The following ZNF212 variants were observed in gnomAD, a reference collection of about 807,000 sequenced individuals.
ZNF212 encodes Zinc finger protein C2H2-150.
ZNF212 carries 32 observed loss-of-function variants against 47.3 expected under a neutral mutation model. The observed-to-expected ratio is 0.68, with a 90% confidence interval of 0.51 to 0.91. The LOEUF (loss-of-function observed/expected upper bound fraction) is 0.91, where lower values mean the gene tolerates loss of function less well. Ranked by LOEUF, ZNF212 falls within the 40% of genes least tolerant of loss-of-function variation. The pLI is 0.00. For synonymous variants in ZNF212, 242 were observed against 253.8 expected (o/e 0.95, Z 0.44); for missense variants, 555 against 622.8 (o/e 0.89, Z 1.16).
intron 3 of ZNF212, 134 bp downstream of exon 3, chr7:149,250,941 CCA>C: frequency 8.2e-7 from 1 of 1,216,916 alleles, no homozygotes; most frequent in South Asian, 1.5e-5. Flanking sequence ...CAGAGAAATG[CCA>C]GTCTCTAGGT....
rs71194634 is a variant in ZNF212, at chr7:149,251,491, C to CTTTT, written c.541+705_541+708dup. Among the ~76,000 whole-genome samples, 218 of 77,432 alleles carry CTTTT rather than the reference C, an allele frequency of 2.8e-3. 1 individual carries two copies. The highest frequency in any genetic ancestry group is 4.0e-3 in the African/African-American group (76 of 19,086). The allele number at this position is 77,432 out of a possible 152,430, so 50.8% of individuals were successfully genotyped here. ...AGCCACTGCGTCTGGCCTGTTTTAT[C>CTTTT]TTTTTTTTTTTTTTTTTTTTTTTTG... On this transcript the variant is annotated intron_variant, in intron 3 of 4. Transcript: ENST00000335870.
chr7:149,251,713 C>G (rs1563189282), intron 3 of ZNF212, among the ~76,000 whole-genome samples: 1 of 151,720 alleles, frequency 6.6e-6, no homozygotes, highest in Admixed American at 6.6e-5. Flanking sequence ...TGGTCTTGAA[C>G]TTCTGGGCTC....
rs770052888 is a variant in ZNF212, at chr7:149,250,474, G to A, written c.340G>A (p.Val114Met). Residue 114 changes from valine (V) to methionine (M), a missense_variant, in exon 2 of 5, where the codon GTG becomes ATG. By Grantham distance (21) the Val-to-Met change is conservative. Coordinates refer to ENST00000335870, the MANE Select transcript of ZNF212 (RefSeq NM_012256.4). ...GCTACTGCAGAGGCGGCTGGAGAAC[G>A]TGGAGAACCTGCTGCGCAACAGGAA... ...YGLLQRRLEN[V>M]ENLLRNRNFW... 55 of 1,613,954 alleles carry A rather than the reference G, an allele frequency of 3.4e-5. No homozygotes were observed. The Admixed American group carries it at 7.5e-4, about 22-fold the overall frequency.
chr7:149,252,926 A>G (rs1796779629), intron 4 of ZNF212, 131 bp downstream of exon 4: 2 of 849,650 alleles, frequency 2.4e-6, no homozygotes, highest in African/African-American at 3.4e-5. Context: ...GGACTCCTTT[A>G]TGATTGTCGT....
chr7:149,239,906 C>T (rs1198296499), intron 1 of ZNF212, 104 bp downstream of exon 1: 4 of 1,230,686 alleles, frequency 3.3e-6, no homozygotes, highest in Non-Finnish European at 2.1e-6. Context: ...GTCTTGGTTT[C>T]CCGGGGCTGC....
chr7:149,248,515 C>G (rs1343455425), intron 1 of ZNF212, among the ~76,000 whole-genome samples: 2 of 152,124 alleles, frequency 1.3e-5, no homozygotes, highest in Admixed American at 1.3e-4. Flanking sequence ...CTAGATAATT[C>G]AAAACAGAAG....
chr7:149,250,124 G>C, intron 1 of ZNF212, 35 bp from the exon 2 acceptor site: 1 of 1,473,344 alleles, frequency 6.8e-7, no homozygotes, highest in Non-Finnish European at 9.0e-7. Context: ...TTGATGTTTG[G>C]AAGTGACATT....
Position 149,239,814 on chromosome 7 carries a change from C to T in ZNF212, c.24+12C>T, listed in dbSNP as rs781463235. ...CGGCGCCTGCTCGGGTAAAGAGGCA[C>T]CGGCGCGCTGGCTCGAGGGCGCGTT... On this transcript the variant is annotated intron_variant, in intron 1 of 4. Coordinates refer to ENST00000335870, the MANE Select transcript of ZNF212 (RefSeq NM_012256.4). 43 of 1,273,362 alleles carry T rather than the reference C, an allele frequency of 3.4e-5. No individual in the cohort carries two copies. The highest frequency in any genetic ancestry group is 3.7e-5 in the Non-Finnish European group (37 of 1,001,568). The allele number at this position is 1,273,362 out of a possible 1,614,324, so 78.9% of individuals were successfully genotyped here.
At chr7:149,248,652 C>T (rs1261370524) in intron 1 of ZNF212, among the ~76,000 whole-genome samples, 2 of 152,228 alleles carry the variant, frequency 1.3e-5, no homozygotes, top group African/African-American at 4.8e-5. Context: ...GCACAGAATG[C>T]TGGGCCACAG....
Position 149,254,663 on chromosome 7 carries a change from A to G in ZNF212, c.*248A>G. 2.0e-6 allele frequency: 1 copy of G among 511,670 alleles called. No homozygotes were observed. The highest frequency in any genetic ancestry group is 3.3e-6 in the Non-Finnish European group (1 of 302,896). The allele number at this position is 511,670 out of a possible 1,614,324, so 31.7% of individuals were successfully genotyped here. On this transcript the variant is annotated 3_prime_UTR_variant, in exon 5 of 5. Coordinates refer to ENST00000335870, the MANE Select transcript of ZNF212 (RefSeq NM_012256.4). The surrounding 1 kb of genome is among the most constrained non-coding windows in gnomAD (Gnocchi z 4.5). ...CTTCAGGTCTCTGGTTTTCTCATTC[A>G]TGCCAATGCTTGTGGGCTGGGGTTG...
intron 4 of ZNF212, 149 bp downstream of exon 4, chr7:149,252,944 G>A (rs1585597658): frequency 5.4e-6 from 4 of 734,522 alleles, no homozygotes; most frequent in Non-Finnish European, 9.1e-6. Context: ...CGTTAGTTCA[G>A]CTGTTACATA....
intron 1 of ZNF212, among the ~76,000 whole-genome samples, chr7:149,242,293 A>G (rs1796604911): frequency 6.6e-6 from 1 of 151,332 alleles, no homozygotes; most frequent in Non-Finnish European, 1.5e-5. Flanking sequence ...AAGTGCTGGG[A>G]TTACCACTGC....
chr7:149,250,340 C>T lies in ZNF212; in HGVS notation c.206C>T (p.Thr69Met), dbSNP rs141201558. ...AARLQSLEGR[T>M]GTAEKKLADC... ...CGGCTACAGAGCCTGGAGGGGCGCA[C>T]GGGGACAGCCGAGAAGAAGCTGGCT... The change falls in exon 2 of 5, where the codon ACG (threonine) becomes ATG (methionine). Residue 69 changes from threonine (T) to methionine (M), a missense_variant. Thr to Met is a moderately conservative substitution (Grantham distance 81). Coordinates refer to ENST00000335870, the MANE Select transcript of ZNF212 (RefSeq NM_012256.4). 7 of 1,614,020 alleles carry T rather than the reference C, an allele frequency of 4.3e-6. No homozygotes were observed. Among genetic ancestry groups the T allele is most frequent in the South Asian group, 2.2e-5 (2 of 91,080 alleles).
chr7:149,252,712 T>C lies in ZNF212; in HGVS notation c.548T>C (p.Leu183Pro). The change falls in exon 4 of 5, where the codon CTT (leucine) becomes CCT (proline). Residue 183 changes from leucine (L) to proline (P), a missense_variant. Leu to Pro is a moderately conservative substitution (Grantham distance 98). Transcript: ENST00000335870. ...TGTGCTGTTTCCCACCCAGAGGTCC[T>C]TGGCCAGACAGAGGGAGAAGCGGAG... is the stretch of plus-strand genomic sequence containing the variant. ...NYETLVSLKV[L>P]GQTEGEAELG... The C allele has an allele frequency of 6.2e-7, 1 of 1,614,124 alleles. No homozygotes were observed. The highest frequency in any genetic ancestry group is 8.5e-7 in the Non-Finnish European group (1 of 1,180,016).
chr7:149,240,139 G>A (rs1293921184), intron 1 of ZNF212: 3 of 288,762 alleles, frequency 1.0e-5, no homozygotes, highest in African/African-American at 6.5e-5. Flanking sequence ...TTTCCAGATT[G>A]GAAACGGTCT....
chr7:149,240,121 T>C (rs531795755), intron 1 of ZNF212: 202 of 323,120 alleles, frequency 6.3e-4, no homozygotes, highest in Admixed American at 1.0e-3. Flanking sequence ...CGTTCCCAGG[T>C]TGGAGTGTTT....
chr7:149,245,658 A>G (rs1204523690), intron 1 of ZNF212, among the ~76,000 whole-genome samples: 2 of 152,050 alleles, frequency 1.3e-5, no homozygotes, highest in East Asian at 1.9e-4. Flanking sequence ...GGCACCTGTC[A>G]TCATGCCTGG....
In ZNF212 at chr7:149,240,386, C is replaced by G. The variant is rs1008226328; in HGVS notation, c.24+584C>G. ...GCTGCCCAAACTCTCTCCTTCACCC[C>G]CCCCCCAACACCCCCCTCCCAGCCC... On this transcript the variant is annotated intron_variant, in intron 1 of 4. Transcript: ENST00000335870. Among the ~76,000 whole-genome samples the G allele has an allele frequency of 7.4e-5, 11 of 149,492 alleles. 1 individual carries two copies. The highest frequency in any genetic ancestry group is 3.9e-4 in the East Asian group (2 of 5,118).
rs1796556985 is a variant in ZNF212, at chr7:149,239,689, G to GCGGCGGCGA, written c.-89_-88insGGCGGCGAC. 1.5e-6 allele frequency: 2 copies of GCGGCGGCGA among 1,292,602 alleles called. No homozygotes were observed. The highest frequency in any genetic ancestry group is 6.1e-5 in the East Asian group (2 of 32,662). 80.1% of individuals were successfully genotyped at this position (1,292,602 alleles called of 1,614,324 possible). ...CATCAACACGGCGGCGGCGGCGGCG[G>GCGGCGGCGA]CTTCCAACAGGCTCTGGGGCGCCGA... On this transcript the variant is annotated 5_prime_UTR_variant, in exon 1 of 5. Transcript: ENST00000335870.
Sources: gnomAD v4.1 joint callset for allele counts (sites outside exome capture counted in the v4.1 genomes callset) on GRCh38, gnomAD v4.1.1 for gene constraint, Gnocchi (gnomAD v3.1) non-coding constraint, MANE v1.5 for transcripts, NCBI Gene and HGNC (gene_info 2026-07-23, HGNC 2026-07-21) for gene names.